Variants in PDLIM5 observed in about 807,000 individuals in gnomAD.
PDLIM5 encodes PDZ and LIM domain protein 5.
PDLIM5 carries 34 observed loss-of-function variants against 64.2 expected under a neutral mutation model. That is an observed-to-expected ratio of 0.53 (90% CI 0.40 to 0.71). The LOEUF (loss-of-function observed/expected upper bound fraction) is 0.71, where lower values mean the gene tolerates loss of function less well. Among genes scored for constraint, PDLIM5 ranks in the 30% least tolerant of loss-of-function variants. The pLI is 0.00. For missense variants in PDLIM5, 683 were observed against 733.6 expected, an observed-to-expected ratio of 0.93 and a Z score of 0.80; for synonymous variants, 253 against 269.1, an observed-to-expected ratio of 0.94 and a Z score of 0.59.
intron 4 of PDLIM5, among the ~76,000 whole-genome samples, chr4:94,575,072 T>C (rs953688539): frequency 2.0e-5 from 3 of 151,838 alleles, no homozygotes; most frequent in African/African-American, 7.2e-5. Flanking sequence ...AATTATCTTA[T>C]TCCCTGTGTT....
chr4:94,592,913 A>G (rs955442466), intron 7 of PDLIM5, among the ~76,000 whole-genome samples: 2 of 152,108 alleles, frequency 1.3e-5, no homozygotes, highest in Non-Finnish European at 1.5e-5. Flanking sequence ...CGTCTGGCCT[A>G]GATTTTCTTA....
chr4:94,549,693 A>G (rs1732634539), intron 3 of PDLIM5: 1 of 152,202 alleles, frequency 6.6e-6, no homozygotes, highest in Non-Finnish European at 1.5e-5. Flanking sequence ...GTTTGTAGAT[A>G]CTGTACACAC....
At chr4:94,623,088 T>C (rs1353817880) in intron 8 of PDLIM5, among the ~76,000 whole-genome samples, 1 of 152,248 alleles carries the variant, frequency 6.6e-6, no homozygotes, top group African/African-American at 2.4e-5. Flanking sequence ...TAACTTTCTA[T>C]GCCTTTATTC....
At chr4:94,516,162 G>T (rs1197888783) in intron 2 of PDLIM5, among the ~76,000 whole-genome samples, 1 of 152,128 alleles carries the variant, frequency 6.6e-6, no homozygotes, top group Admixed American at 6.6e-5. Context: ...AGAACAGACC[G>T]TGCTGTATCA....
At chr4:94,493,134 G>A (rs1727020096) in intron 2 of PDLIM5, among the ~76,000 whole-genome samples, 1 of 151,918 alleles carries the variant, frequency 6.6e-6, no homozygotes, top group Non-Finnish European at 1.5e-5. Context: ...CTTTTTATGT[G>A]CTTATTGGAC....
chr4:94,512,620 A>AT (rs111333038), intron 2 of PDLIM5, among the ~76,000 whole-genome samples: 30 of 149,650 alleles, frequency 2.0e-4, no homozygotes, highest in Admixed American at 1.2e-3. Context: ...GGATTATTAG[A>AT]TTTTTTTTTT....
chr4:94,593,136 T>C (rs530765046), intron 7 of PDLIM5, among the ~76,000 whole-genome samples: 3 of 152,270 alleles, frequency 2.0e-5, no homozygotes, highest in African/African-American at 7.2e-5. Context: ...AAAGTCTTAG[T>C]GTAATAGTAT....
chr4:94,462,760 G>A (rs6845473), intron 2 of PDLIM5, among the ~76,000 whole-genome samples: 5,161 of 152,216 alleles, frequency 0.034, 269 homozygotes, highest in African/African-American at 0.11. Context: ...AGACACTCCT[G>A]CTCATAATAT....
At chr4:94,477,015 T>G (rs1011149549) in intron 2 of PDLIM5, among the ~76,000 whole-genome samples, 1 of 152,222 alleles carries the variant, frequency 6.6e-6, no homozygotes, top group Admixed American at 6.5e-5. Context: ...ATCGTTAATA[T>G]TTTAAGATAG....
intron 7 of PDLIM5, among the ~76,000 whole-genome samples, chr4:94,598,840 G>A (rs1446778872): frequency 6.6e-6 from 1 of 152,060 alleles, no homozygotes; most frequent in Non-Finnish European, 1.5e-5. Context: ...AATAATTTGA[G>A]CTGAAATGTG....
rs116146916 is a variant in PDLIM5, at chr4:94,655,353, T to A, written c.1464+713T>A. On this transcript the variant is annotated intron_variant, in intron 10 of 12. Coordinates refer to ENST00000317968, the MANE Select transcript of PDLIM5 (RefSeq NM_006457.5). ...TGGTGACTAGGAGCTGGAATCTGATTTCAGAAGAAGCCAGAGTACCTGGCT... is the reference window on the plus strand; with the variant it reads ...TGGTGACTAGGAGCTGGAATCTGATATCAGAAGAAGCCAGAGTACCTGGCT... Among the ~76,000 whole-genome samples the A allele has an allele frequency of 5.7e-3, 867 of 152,206 alleles. 9 individuals carry two copies. The highest frequency in any genetic ancestry group is 0.019 in the African/African-American group (807 of 41,552).
chr4:94,562,226 TG>T (rs1356176776), intron 3 of PDLIM5, among the ~76,000 whole-genome samples: 1 of 152,172 alleles, frequency 6.6e-6, no homozygotes, highest in Non-Finnish European at 1.5e-5. Flanking sequence ...GAGTCAAGGT[TG>T]GTGTTTATCA....
intron 8 of PDLIM5, among the ~76,000 whole-genome samples, chr4:94,633,013 T>C (rs1230165500): frequency 6.6e-6 from 1 of 152,188 alleles, no homozygotes; most frequent in Non-Finnish European, 1.5e-5. Context: ...AGTGATCAGA[T>C]AATCAGAAAA....
In PDLIM5 at chr4:94,665,481, TAAAAAAAAAA is replaced by T. The variant is rs10706955; in HGVS notation, c.*1430_*1439del. 3.4e-3 allele frequency: 1,524 copies of T among 449,008 alleles called. 3 individuals are homozygous for T. Among genetic ancestry groups the T allele is most frequent in the Middle Eastern group, 4.2e-3 (4 of 942 alleles). The allele number at this position is 449,008 out of a possible 1,614,324, so 27.8% of individuals were successfully genotyped here. On this transcript the variant is annotated 3_prime_UTR_variant, in exon 13 of 13. Coordinates refer to ENST00000317968, the MANE Select transcript of PDLIM5 (RefSeq NM_006457.5). ...GGTGACAGAGCAAGACTCCGGCTCT[TAAAAAAAAAA>T]AAAAAAAAAAAAAAAGAGAGAGAGA... is the stretch of plus-strand genomic sequence containing the variant.
At chr4:94,452,608 G>A (rs1037651508) in intron 1 of PDLIM5, among the ~76,000 whole-genome samples, 1 of 152,248 alleles carries the variant, frequency 6.6e-6, no homozygotes, top group Non-Finnish European at 1.5e-5. Flanking sequence ...CACGAGATTT[G>A]TTAACACTTG....
intron 3 of PDLIM5, among the ~76,000 whole-genome samples, chr4:94,533,273 A>G (rs1399986455): frequency 6.6e-6 from 1 of 152,126 alleles, no homozygotes; most frequent in Non-Finnish European, 1.5e-5. Flanking sequence ...GAAATTCTTC[A>G]CTTTGACTTT....
At chr4:94,635,922 A>G (rs189196633) in intron 8 of PDLIM5, among the ~76,000 whole-genome samples, 19 of 152,350 alleles carry the variant, frequency 1.2e-4, no homozygotes, top group Admixed American at 4.6e-4. Flanking sequence ...GTGCAGGCCA[A>G]TGTGCTAGCA....
chr4:94,493,653 T>C (rs1560653233), intron 2 of PDLIM5, among the ~76,000 whole-genome samples: 2 of 152,306 alleles, frequency 1.3e-5, no homozygotes, highest in Middle Eastern at 3.4e-3. Flanking sequence ...TATTCTGCAG[T>C]CTTATTTGTT....
intron 11 of PDLIM5, 135 bp from the exon 12 acceptor site, chr4:94,662,287 T>C: frequency 2.0e-6 from 1 of 494,840 alleles, no homozygotes; most frequent in Non-Finnish European, 3.7e-6. Context: ...TGCCATCTCC[T>C]GAAATTTTTC....
Sources: gnomAD v4.1 joint callset for allele counts (sites outside exome capture counted in the v4.1 genomes callset) on GRCh38, gnomAD v4.1.1 for gene constraint, MANE v1.5 for transcripts, NCBI Gene and HGNC (gene_info 2026-07-23, HGNC 2026-07-21) for gene names.